Variants in DCC observed in about 807,000 individuals in gnomAD.
DCC encodes the protein DCC netrin 1 receptor, also known as netrin receptor DCC.
In DCC, 58 loss-of-function variants were observed where a neutral mutation model predicts 172.5. The observed-to-expected ratio is 0.34, with a 90% CI of 0.27 to 0.42. DCC has a LOEUF of 0.42. DCC is among the 10% of genes least tolerant of loss of function. DCC has a pLI of 1.00. For missense variants in DCC, 1,740 were observed against 1,791.0 expected, an observed-to-expected ratio of 0.97 and a Z score of 0.51; for synonymous variants, 709 against 644.5, an observed-to-expected ratio of 1.10 and a Z score of -1.52.
chr18:52,837,976 G>A (rs1490764331), intron 2 of DCC, among the ~76,000 whole-genome samples: 1 of 152,108 alleles, frequency 6.6e-6, no homozygotes, highest in Non-Finnish European at 1.5e-5. Context: ...CAGTGAAGGG[G>A]GAAGCCCTTT....
intron 5 of DCC, among the ~76,000 whole-genome samples, chr18:53,049,535 T>C (rs1880769815): frequency 6.6e-6 from 1 of 152,062 alleles, no homozygotes; most frequent in South Asian, 2.1e-4. Flanking sequence ...TCTATTTTAT[T>C]TGTCTAAGTG....
intron 19 of DCC, among the ~76,000 whole-genome samples, chr18:53,404,730 C>CA (rs1909549396): frequency 9.2e-6 from 1 of 109,284 alleles, no homozygotes. Context: ...GACTCCGTCT[C>CA]AAAAATAAAA....
chr18:52,777,488 AG>A (rs1426416332), intron 2 of DCC, among the ~76,000 whole-genome samples: 1 of 152,216 alleles, frequency 6.6e-6, no homozygotes, highest in Non-Finnish European at 1.5e-5. Context: ...CACTGGATTT[AG>A]AGCCCACCAT....
chr18:52,527,531 C>T (rs575590060), intron 1 of DCC, among the ~76,000 whole-genome samples: 2 of 152,240 alleles, frequency 1.3e-5, no homozygotes, highest in African/African-American at 4.8e-5. Flanking sequence ...TGGATGAAAG[C>T]AAATGTGTTG....
At chr18:52,563,732 A>G (rs1047804395) in intron 1 of DCC, among the ~76,000 whole-genome samples, 1 of 152,188 alleles carries the variant, frequency 6.6e-6, no homozygotes, top group African/African-American at 2.4e-5. Context: ...GGAACTATAT[A>G]GAACCCTATC....
intron 2 of DCC, among the ~76,000 whole-genome samples, chr18:52,756,390 G>A (rs375500149): frequency 8.4e-4 from 128 of 152,116 alleles, no homozygotes; most frequent in African/African-American, 3.1e-3. Flanking sequence ...GCTTTCCGCT[G>A]TTGCCATCCT....
intron 2 of DCC, among the ~76,000 whole-genome samples, chr18:52,893,036 A>G (rs956840922): frequency 7.9e-5 from 12 of 152,114 alleles, no homozygotes; most frequent in African/African-American, 2.9e-4. Context: ...TCCTTTTGGT[A>G]TATTTGATGT....
At position 53,416,050 on chromosome 18, in the gene DCC, T is replaced by G; in HGVS notation, c.3131-74T>G. On this transcript the variant is annotated intron_variant, in intron 20 of 28. Transcript: ENST00000442544. The stretch of plus-strand genomic sequence containing the variant: ...GAAATAAAAACTTACTAAAAAGAAC[T>G]GTTGGTTTGATATGTCAGCTTTCTT... The G allele has an allele frequency of 2.7e-6, 3 of 1,091,792 alleles. 1 individual carries two copies. The highest frequency in any genetic ancestry group is 1.3e-5 in the South Asian group (1 of 78,798). 67.6% of individuals were successfully genotyped at this position (1,091,792 alleles called of 1,614,324 possible).
intron 8 of DCC, among the ~76,000 whole-genome samples, chr18:53,166,491 C>T (rs1328728252): frequency 6.6e-6 from 1 of 152,082 alleles, no homozygotes; most frequent in Non-Finnish European, 1.5e-5. Flanking sequence ...GAATCCAGAA[C>T]TCAGTCACAT....
intron 12 of DCC, among the ~76,000 whole-genome samples, chr18:53,284,473 T>A (rs1433647409): frequency 1.3e-5 from 2 of 152,176 alleles, no homozygotes; most frequent in East Asian, 3.9e-4. Flanking sequence ...AGTTCTCTTC[T>A]CTTGTCTGCC....
intron 7 of DCC, among the ~76,000 whole-genome samples, chr18:53,133,700 A>T (rs1279086187): frequency 4.6e-5 from 7 of 152,206 alleles, no homozygotes; most frequent in Non-Finnish European, 8.8e-5. Context: ...CACTGAACAC[A>T]GTGAACAGAA....
chr18:53,034,061 C>G (rs1364434927), intron 5 of DCC, among the ~76,000 whole-genome samples: 3 of 152,022 alleles, frequency 2.0e-5, no homozygotes, highest in African/African-American at 7.2e-5. Context: ...TTTCCCACCT[C>G]TTAGTTCTCA....
chr18:53,344,983 T>C (rs577396521), intron 15 of DCC, among the ~76,000 whole-genome samples: 54 of 151,722 alleles, frequency 3.6e-4, no homozygotes, highest in Middle Eastern at 3.5e-3. Flanking sequence ...ACTTTAGGCT[T>C]CACAGACCAT....
At chr18:53,307,919 A>G (rs1201128269) in intron 13 of DCC, among the ~76,000 whole-genome samples, 2 of 99,284 alleles carry the variant, frequency 2.0e-5, no homozygotes, top group African/African-American at 5.3e-5. Flanking sequence ...ATATATATAT[A>G]TATATATATA....
chr18:53,175,265 A>C (rs945412034), intron 8 of DCC, among the ~76,000 whole-genome samples: 7 of 151,900 alleles, frequency 4.6e-5, no homozygotes, highest in Non-Finnish European at 8.8e-5. Flanking sequence ...GAAAACTGGC[A>C]CAAGACAGGG....
intron 1 of DCC, among the ~76,000 whole-genome samples, chr18:52,519,091 A>G (rs1429583710): frequency 1.3e-5 from 2 of 152,206 alleles, no homozygotes; most frequent in African/African-American, 2.4e-5. Flanking sequence ...AGATGATTAG[A>G]TCTTTCTGAA....
At chr18:52,621,703 G>A (rs917344599) in intron 1 of DCC, among the ~76,000 whole-genome samples, 1 of 152,132 alleles carries the variant, frequency 6.6e-6, no homozygotes, top group African/African-American at 2.4e-5. Flanking sequence ...GTCCTCCTTG[G>A]CAATTGATTC....
intron 11 of DCC, among the ~76,000 whole-genome samples, chr18:53,213,264 T>C (rs1025663178): frequency 1.7e-4 from 26 of 152,214 alleles, no homozygotes; most frequent in Non-Finnish European, 4.4e-5. Flanking sequence ...TACTAATTGA[T>C]CAAAAAGTTA....
chr18:53,439,422 A>C (rs1241974318), intron 22 of DCC, among the ~76,000 whole-genome samples: 1 of 152,176 alleles, frequency 6.6e-6, no homozygotes, highest in Non-Finnish European at 1.5e-5. Context: ...ATAAAATTTC[A>C]TACGTCTCCC....
Sources: allele counts gnomAD v4.1 joint callset (sites outside exome capture counted in the v4.1 genomes callset), GRCh38; gene constraint gnomAD v4.1.1; transcripts MANE v1.5; gene names NCBI Gene and HGNC (gene_info 2026-07-23, HGNC 2026-07-21).